Variants in LRPPRC observed in about 807,000 individuals in gnomAD.
LRPPRC encodes the protein leucine-rich PPR motif-containing protein, mitochondrial.
Under a neutral mutation model 180.3 loss-of-function variants are expected in LRPPRC, and 120 were observed. That is an observed-to-expected ratio of 0.67 (90% CI 0.57 to 0.77). LRPPRC has a LOEUF of 0.77. Among genes scored for constraint, LRPPRC ranks in the 30% least tolerant of loss-of-function variants. LRPPRC has a pLI of 0.00. For synonymous variants in LRPPRC, 723 were observed against 600.0 expected, an observed-to-expected ratio of 1.21 and a Z score of -3.00; for missense variants, 2,012 against 1,657.2, an observed-to-expected ratio of 1.21 and a Z score of -3.72.
intron 14 of LRPPRC, among the ~76,000 whole-genome samples, chr2:43,953,704 A>G (rs1307254019): frequency 1.3e-5 from 2 of 152,228 alleles, no homozygotes; most frequent in African/African-American, 4.8e-5. Flanking sequence ...CCATTTTCGA[A>G]TATTTTCAAT....
intron 1 of LRPPRC, among the ~76,000 whole-genome samples, chr2:43,988,729 G>C (rs1351692234): frequency 6.6e-6 from 1 of 151,904 alleles, no homozygotes; most frequent in African/African-American, 2.4e-5. Flanking sequence ...TTTTTCAGTA[G>C]AAACGGCGTT....
chr2:43,974,618 A>C lies in LRPPRC; in HGVS notation c.1005T>G (p.Ile335Met), dbSNP rs778555775. 2 of 1,569,776 alleles carry C rather than the reference A, an allele frequency of 1.3e-6. No homozygotes were observed. The highest frequency in any genetic ancestry group is 2.2e-5 in the South Asian group (2 of 89,854). The change falls in exon 8 of 38, where the codon ATT becomes ATG. Residue 335 changes from isoleucine to methionine, a missense_variant. Transcript: ENST00000260665. ...AATAGATTTTTTTAAAACTACCTGG[A>C]ATATATCTTCTTTCACATGTAACTT... is the stretch of plus-strand genomic sequence containing the variant. ...LEKVTCERRY[I>M]PDAMNLILLL...
chr2:43,891,454 G>C (rs756516635), intron 36 of LRPPRC, among the ~76,000 whole-genome samples: 4 of 152,114 alleles, frequency 2.6e-5, no homozygotes, highest in Non-Finnish European at 5.9e-5. Context: ...TTGTGTCTCT[G>C]TGTCACATTT....
intron 33 of LRPPRC, 46 bp from the exon 34 acceptor site, chr2:43,899,380 A>G (rs748792528): frequency 2.1e-5 from 34 of 1,603,472 alleles, no homozygotes; most frequent in Non-Finnish European, 2.8e-5. Context: ...GAACAGTGGT[A>G]TAACTCACCT....
chr2:43,945,277 T>C (rs1381492837), intron 22 of LRPPRC, 55 bp downstream of exon 22: 5 of 1,139,178 alleles, frequency 4.4e-6, no homozygotes, highest in Non-Finnish European at 6.7e-6. Flanking sequence ...ATTCACATGT[T>C]ATTCCAGTGG....
chr2:43,906,330 T>C (rs371236003), intron 30 of LRPPRC, among the ~76,000 whole-genome samples: 116 of 152,346 alleles, frequency 7.6e-4, no homozygotes, highest in African/African-American at 2.6e-3. Context: ...ACTCAAACTA[T>C]TGGTACTTTA....
chr2:43,991,066 G>A (rs183311676), intron 1 of LRPPRC, among the ~76,000 whole-genome samples: 145 of 144,930 alleles, frequency 1.0e-3, no homozygotes, highest in South Asian at 1.7e-3. Context: ...GTCTCACTCT[G>A]TCACTGAGGC....
Position 43,995,737 on chromosome 2 carries a change from A to T in LRPPRC, c.149+62T>A. On this transcript the variant is annotated intron_variant, in intron 1 of 37. Coordinates refer to ENST00000260665, the MANE Select transcript of LRPPRC (RefSeq NM_133259.4). ...CAGGCAGGACCCGGTCCCTGCCGGCACCCACGACCCCGGGGGACCCTGGCG... is the reference window on the plus strand; with the variant it reads ...CAGGCAGGACCCGGTCCCTGCCGGCTCCCACGACCCCGGGGGACCCTGGCG... 2.2e-6 allele frequency: 3 copies of T among 1,333,384 alleles called. No individual in the cohort carries two copies. In the South Asian group the frequency reaches 5.7e-5, roughly 26 times the overall value. 82.6% of individuals were successfully genotyped at this position (1,333,384 alleles called of 1,614,324 possible). A position where few individuals can be genotyped will look rare whatever the true frequency, so the allele number is the denominator to read the frequency against.
At chr2:43,987,468 CCGGGCGACAGAGCCAGA>C in intron 1 of LRPPRC, among the ~76,000 whole-genome samples, 1 of 139,502 alleles carries the variant, frequency 7.2e-6, no homozygotes, top group Non-Finnish European at 1.5e-5. Context: ...GCACTCCAGG[CCGGGCGACAGAGCCAGA>C]CTCCTCAAAA....
At chr2:43,923,465 C>T (rs1671768640) in intron 27 of LRPPRC, among the ~76,000 whole-genome samples, 1 of 152,204 alleles carries the variant, frequency 6.6e-6, no homozygotes, top group African/African-American at 2.4e-5. Flanking sequence ...GTACTCTAGC[C>T]TGGGTGACCC....
At chr2:43,937,820 C>T (rs1466546730) in intron 23 of LRPPRC, among the ~76,000 whole-genome samples, 2 of 152,112 alleles carry the variant, frequency 1.3e-5, no homozygotes, top group African/African-American at 4.8e-5. Flanking sequence ...AGGATGAAAT[C>T]AGTAAGGGAA....
intron 12 of LRPPRC, 89 bp from the exon 13 acceptor site, chr2:43,960,723 C>A: frequency 1.3e-6 from 1 of 777,214 alleles, no homozygotes; most frequent in South Asian, 1.4e-5. Flanking sequence ...TTATTTGAAT[C>A]ACCATATTCT....
chr2:43,886,779 T>C lies in LRPPRC; in HGVS notation c.*1821A>G, dbSNP rs911962015. On this transcript the variant is annotated 3_prime_UTR_variant, in exon 38 of 38. Transcript: ENST00000260665. ...CTAATGAATGTCAATTAGTGAATGTTGACTAACTTGTGGTTAGCATGACTG... is the reference window on the plus strand; with the variant it reads ...CTAATGAATGTCAATTAGTGAATGTCGACTAACTTGTGGTTAGCATGACTG... 1.3e-5 allele frequency: 2 copies of C among 152,186 alleles called. No homozygotes were observed. Among genetic ancestry groups the C allele is most frequent in the African/African-American group, 4.8e-5 (2 of 41,446 alleles). The allele number at this position is 152,186 out of a possible 1,614,324, so 9.4% of individuals were successfully genotyped here.
At chr2:43,917,990 C>G in intron 29 of LRPPRC, 35 bp downstream of exon 29, 1 of 1,370,222 alleles carries the variant, frequency 7.3e-7, no homozygotes, top group Non-Finnish European at 1.0e-6. Context: ...GAAGACCACC[C>G]CCCCACACAC....
chr2:43,938,705 T>A (rs1055512195), intron 23 of LRPPRC, among the ~76,000 whole-genome samples: 10 of 152,194 alleles, frequency 6.6e-5, no homozygotes, highest in Non-Finnish European at 1.2e-4. Context: ...ACAAACACCA[T>A]GTAGCATGTA....
chr2:43,982,180 G>C, intron 2 of LRPPRC, 58 bp downstream of exon 2: 4 of 1,247,130 alleles, frequency 3.2e-6, no homozygotes, highest in Non-Finnish European at 4.5e-6. Flanking sequence ...GGGATTACAG[G>C]CCTGAGCCAC....
chr2:43,902,054 T>C (rs1670909484), intron 31 of LRPPRC: 1 of 156,186 alleles, frequency 6.4e-6, no homozygotes, highest in Non-Finnish European at 1.4e-5. Flanking sequence ...ATTAGATGCC[T>C]TGTGATTATT....
chr2:43,916,031 T>C (rs1671455072), intron 29 of LRPPRC, among the ~76,000 whole-genome samples: 2 of 152,104 alleles, frequency 1.3e-5, no homozygotes, highest in South Asian at 4.1e-4. Context: ...TCCCAAGTTG[T>C]TGGGATTATA....
intron 29 of LRPPRC, among the ~76,000 whole-genome samples, chr2:43,916,949 G>GAAAA (rs528660807): frequency 5.2e-5 from 6 of 115,784 alleles, no homozygotes; most frequent in African/African-American, 1.4e-4. Context: ...GTCTCCGGGG[G>GAAAA]GAAAAAAAAA....
Sources: gnomAD v4.1 joint callset for allele counts (sites outside exome capture counted in the v4.1 genomes callset) on GRCh38, gnomAD v4.1.1 for gene constraint, MANE v1.5 for transcripts, NCBI Gene and HGNC (gene_info 2026-07-23, HGNC 2026-07-21) for gene names.